The following SLC24A2 variants were observed in gnomAD, a reference collection of about 807,000 sequenced individuals.
SLC24A2 encodes solute carrier family 24 member 2.
A neutral mutation model predicts 62.0 loss-of-function variants in SLC24A2; 36 were observed. That is an observed-to-expected ratio of 0.58 (90% confidence interval 0.44 to 0.77). The LOEUF (loss-of-function observed/expected upper bound fraction) is 0.77, where lower values mean the gene tolerates loss of function less well. Ranked by LOEUF, SLC24A2 falls within the 30% of genes least tolerant of loss-of-function variation. SLC24A2 has a pLI of 0.00. For missense variants in SLC24A2, 846 were observed against 817.9 expected (o/e 1.03, Z -0.42); for synonymous variants, 358 against 294.0 (o/e 1.22, Z -2.23).
chr9:19,851,049 T>A, the SLC24A2 span, among the ~76,000 whole-genome samples: 2 of 119,092 alleles, frequency 1.7e-5, no homozygotes, highest in Non-Finnish European at 3.4e-5. Flanking sequence ...TTTTTTGAGA[T>A]GGAGTCTCTT....
chr9:19,794,084 G>C, the SLC24A2 span, among the ~76,000 whole-genome samples: 13 of 152,358 alleles, frequency 8.5e-5, no homozygotes, highest in Admixed American at 8.5e-4. Context: ...AGGGATGAAA[G>C]TGCAGGCTTC....
chr9:20,181,758 T>A, the SLC24A2 span, among the ~76,000 whole-genome samples: 1 of 152,084 alleles, frequency 6.6e-6, no homozygotes, highest in Non-Finnish European at 1.5e-5. Context: ...CCAAAAGCAA[T>A]GGCAACAAAA....
At position 19,539,415 on chromosome 9, in the gene SLC24A2, C is replaced by T. The variant is rs570426712; in HGVS notation, c.1479+10722G>A. ...TTCTGGTATGTGGTGTCTTTGTTCT[C>T]GCTGGTTTCGAAGAACATCTTTATT... On this transcript the variant is annotated intron_variant, in intron 8 of 10. Transcript: ENST00000341998. Among the ~76,000 whole-genome samples, 99 of 151,950 alleles carry T rather than the reference C, an allele frequency of 6.5e-4. 3 individuals are homozygous for T. The highest frequency in any genetic ancestry group is 2.1e-3 in the African/African-American group (88 of 41,310).
At chr9:19,757,057 G>T (rs901024962) in intron 2 of SLC24A2, among the ~76,000 whole-genome samples, 8 of 151,790 alleles carry the variant, frequency 5.3e-5, no homozygotes, top group Non-Finnish European at 8.8e-5. Flanking sequence ...TTACAGGTGG[G>T]AGGCATTGTG....
At chr9:19,636,811 T>C (rs1818369844) in intron 2 of SLC24A2, among the ~76,000 whole-genome samples, 1 of 152,166 alleles carries the variant, frequency 6.6e-6, no homozygotes, top group Non-Finnish European at 1.5e-5. Flanking sequence ...TGACACCGTC[T>C]AGTTTTGTGT....
At chr9:20,042,551 A>C in the SLC24A2 span, among the ~76,000 whole-genome samples, 4 of 152,346 alleles carry the variant, frequency 2.6e-5, no homozygotes, top group East Asian at 7.7e-4. Flanking sequence ...GTGAGAGGAC[A>C]TGGCCTTCCT....
chr9:19,630,014 T>C (rs1364772093), intron 2 of SLC24A2, among the ~76,000 whole-genome samples: 1 of 152,210 alleles, frequency 6.6e-6, no homozygotes, highest in East Asian at 1.9e-4. Flanking sequence ...TGTCTGTCCT[T>C]ATGGAACCTG....
In SLC24A2 at chr9:19,575,253, A is replaced by G. The variant is rs368178617; in HGVS notation, c.1228+1671T>C. Among the ~76,000 whole-genome samples the G allele has an allele frequency of 9.2e-5, 14 of 152,340 alleles. No homozygotes were observed. In the East Asian group the frequency reaches 1.2e-3, roughly 13 times the overall value. ...TGTGGCTATGCCAGTTTATCTTAGTATGCTTGATTCAGTTATTTAAATAAA... is the reference window on the plus strand; with the variant it reads ...TGTGGCTATGCCAGTTTATCTTAGTGTGCTTGATTCAGTTATTTAAATAAA... On this transcript the variant is annotated intron_variant, in intron 6 of 10. Transcript: ENST00000341998.
the SLC24A2 span, among the ~76,000 whole-genome samples, chr9:19,960,479 G>A: frequency 2.0e-5 from 3 of 152,290 alleles, no homozygotes; most frequent in South Asian, 6.2e-4. Context: ...ATGGAATTTT[G>A]ATTCCCTTGT....
At chr9:19,659,408 G>T (rs747122168) in intron 2 of SLC24A2, among the ~76,000 whole-genome samples, 1 of 152,086 alleles carries the variant, frequency 6.6e-6, no homozygotes, top group Non-Finnish European at 1.5e-5. Context: ...CAGCCCTGAG[G>T]AACAAATACA....
At chr9:20,107,178 C>T in the SLC24A2 span, among the ~76,000 whole-genome samples, 1 of 152,114 alleles carries the variant, frequency 6.6e-6, no homozygotes, top group Admixed American at 6.6e-5. Context: ...CAAACCACTG[C>T]TCAGTGAAAT....
At chr9:20,190,356 C>T in the SLC24A2 span, among the ~76,000 whole-genome samples, 10 of 152,134 alleles carry the variant, frequency 6.6e-5, 1 homozygote, top group African/African-American at 2.2e-4. Flanking sequence ...CTTTGTCCTA[C>T]CAAATTAATA....
chr9:20,149,918 T>C, the SLC24A2 span, among the ~76,000 whole-genome samples: 1 of 152,002 alleles, frequency 6.6e-6, no homozygotes, highest in African/African-American at 2.4e-5. Context: ...CGGGTGATAG[T>C]CATTAGTGCT....
the SLC24A2 span, among the ~76,000 whole-genome samples, chr9:20,009,774 C>G: frequency 2.0e-5 from 3 of 152,112 alleles, no homozygotes; most frequent in East Asian, 5.8e-4. Flanking sequence ...AGCATCTGGC[C>G]CTGCCCAACT....
the SLC24A2 span, among the ~76,000 whole-genome samples, chr9:20,012,786 C>G: frequency 6.6e-6 from 1 of 151,902 alleles, no homozygotes; most frequent in African/African-American, 2.4e-5. Context: ...ATTCTTTATA[C>G]TTTATTTCCA....
the SLC24A2 span, among the ~76,000 whole-genome samples, chr9:19,923,723 T>G: frequency 6.6e-6 from 1 of 152,236 alleles, no homozygotes; most frequent in Non-Finnish European, 1.5e-5. Flanking sequence ...GACAAATAAA[T>G]AGATAGTTGG....
the SLC24A2 span, among the ~76,000 whole-genome samples, chr9:20,075,872 T>C: frequency 1.3e-5 from 2 of 152,196 alleles, no homozygotes; most frequent in Admixed American, 1.3e-4. Context: ...CCAGGACCTC[T>C]CTCAAATACC....
chr9:19,784,509 A>T (rs1823103057), intron 2 of SLC24A2, among the ~76,000 whole-genome samples: 1 of 152,236 alleles, frequency 6.6e-6, no homozygotes. Flanking sequence ...CCTCTAAAAA[A>T]TAAGCATTTC....
chr9:20,003,136 T>A, the SLC24A2 span, among the ~76,000 whole-genome samples: 1 of 152,232 alleles, frequency 6.6e-6, no homozygotes, highest in Admixed American at 6.5e-5. Flanking sequence ...CAAATCTATA[T>A]GAGAGGATTC....
Sources: gnomAD v4.1 joint callset for allele counts (sites outside exome capture counted in the v4.1 genomes callset) on GRCh38, gnomAD v4.1.1 for gene constraint, MANE v1.5 for transcripts, NCBI Gene and HGNC (gene_info 2026-07-23, HGNC 2026-07-21) for gene names.